Variants in NTAN1 observed in about 807,000 individuals in gnomAD.
The protein encoded by NTAN1 is protein N-terminal asparagine amidohydrolase.
A neutral mutation model predicts 41.9 loss-of-function variants in NTAN1; 32 were observed. The ratio of observed to expected loss-of-function variants is 0.76; its 90% CI spans 0.58 to 1.03. NTAN1 has a LOEUF of 1.03. Among genes scored for constraint, NTAN1 ranks in the 50% least tolerant of loss-of-function variants. The pLI is 0.00. For synonymous variants in NTAN1, 140 were observed against 139.5 expected (o/e 1.00, Z -0.03); for missense variants, 377 against 377.5 (o/e 1.00, Z 0.01).
chr16:15,055,899 G>C lies in NTAN1; in HGVS notation c.73C>G (p.Pro25Ala). The change falls in exon 1 of 10, where the codon CCT becomes GCT. Residue 25 changes from proline (P) to alanine (A), a missense_variant. Physicochemically the swap from Pro to Ala is conservative, Grantham distance 27 (BLOSUM62 -1). Coordinates refer to ENST00000287706, the MANE Select transcript of NTAN1 (RefSeq NM_173474.4). ...CGCCGCGCCCCACTCACCTCCAAAG[G>C]CGGGTGGGCTCGGACGAGGTCCCCG... ...SAGDLVRAHP[P>A]LEERARLLRG... The C allele has an allele frequency of 8.1e-7, 1 of 1,230,414 alleles. No homozygotes were observed. Among genetic ancestry groups the C allele is most frequent in the East Asian group, 3.2e-5 (1 of 31,592 alleles). 76.2% of individuals were successfully genotyped at this position (1,230,414 alleles called of 1,614,324 possible). A position where few individuals can be genotyped will look rare whatever the true frequency, so the allele number is the denominator to read the frequency against.
chr16:15,044,230 G>C, intron 5 of NTAN1, 104 bp downstream of exon 5: 3 of 731,482 alleles, frequency 4.1e-6, no homozygotes, highest in Non-Finnish European at 4.8e-6. Flanking sequence ...CTCCAAGTGG[G>C]TGTGCCCTTC....
chr16:15,054,881 GATGAAACCT>G (rs1567776441), intron 1 of NTAN1, among the ~76,000 whole-genome samples: 1 of 152,222 alleles, frequency 6.6e-6, no homozygotes, highest in Non-Finnish European at 1.5e-5. Flanking sequence ...AGCTGTGACA[GATGAAACCT>G]CTAAATGCCT....
chr16:15,055,374 G>A lies in NTAN1; in HGVS notation c.81+517C>T, dbSNP rs986154044. 1.5e-4 allele frequency among the ~76,000 whole-genome samples: 23 copies of A among 152,186 alleles called. 1 individual carries two copies. The highest frequency in any genetic ancestry group is 5.5e-4 in the African/African-American group (23 of 41,462). ...GGCTAAAAATAACTCGGCGCCCTACGCCCCGGGGGTAGGGGAGAGAGAGGA... is the reference window on the plus strand; with the variant it reads ...GGCTAAAAATAACTCGGCGCCCTACACCCCGGGGGTAGGGGAGAGAGAGGA... On this transcript the variant is annotated intron_variant, in intron 1 of 9. Coordinates refer to ENST00000287706, the MANE Select transcript of NTAN1 (RefSeq NM_173474.4).
At position 15,056,066 on chromosome 16, in the gene NTAN1, T is replaced by A. The variant is rs1439952669; in HGVS notation, c.-95A>T. 2.6e-6 allele frequency: 1 copy of A among 386,560 alleles called. No homozygotes were observed. Among genetic ancestry groups the A allele is most frequent in the Non-Finnish European group, 3.6e-6 (1 of 274,124 alleles). 23.9% of individuals were successfully genotyped at this position (386,560 alleles called of 1,614,324 possible). ...CCGCCCCCGCCCCTCGGGCCGCGCG[T>A]CCCGCCTCGTCCTGCCCCGCCCCAC... On this transcript the variant is annotated 5_prime_UTR_variant, in exon 1 of 10. Coordinates refer to ENST00000287706, the MANE Select transcript of NTAN1 (RefSeq NM_173474.4).
Position 15,055,967 on chromosome 16 carries a change from G to A in NTAN1, c.5C>T (p.Pro2Leu). Residue 2 changes from proline to leucine, a missense_variant, in exon 1 of 10, where the codon CCG (proline) becomes CTG (leucine). Physicochemically the swap from Pro to Leu is moderately conservative, Grantham distance 98. Coordinates refer to ENST00000287706, the MANE Select transcript of NTAN1 (RefSeq NM_173474.4). ...CACTCGCCGCCCCTCGACGAGCAGC[G>A]GCATCGCGGAGGCGGCCGCCCAGGC... is the stretch of plus-strand genomic sequence containing the variant. M[P>L]LLVEGRRVRL... The A allele has an allele frequency of 1.6e-6, 2 of 1,224,970 alleles. No individual in the cohort carries two copies. Among genetic ancestry groups the A allele is most frequent in the Non-Finnish European group, 1.0e-6 (1 of 983,246 alleles). The allele number at this position is 1,224,970 out of a possible 1,614,324, so 75.9% of individuals were successfully genotyped here.
chr16:15,040,901 G>A (rs2043786975), intron 7 of NTAN1, among the ~76,000 whole-genome samples, 167 bp downstream of exon 7: 1 of 152,172 alleles, frequency 6.6e-6, no homozygotes, highest in African/African-American at 2.4e-5. Context: ...AAAGCTTAGA[G>A]AAGTTAAGCT....
Position 15,049,086 on chromosome 16 carries a change from G to T in NTAN1, c.82-987C>A, listed in dbSNP as rs2044196946. The stretch of plus-strand genomic sequence containing the variant: ...GTTTTATACTTTTTGTAGCGACGGG[G>T]TCTCCCTATGCTCCCCAGGCTGGTC... On this transcript the variant is annotated intron_variant, in intron 1 of 9. Coordinates refer to ENST00000287706, the MANE Select transcript of NTAN1 (RefSeq NM_173474.4). 2.0e-5 allele frequency among the ~76,000 whole-genome samples: 3 copies of T among 147,294 alleles called. No homozygotes were observed. The South Asian group carries it at 6.5e-4, about 32-fold the overall frequency.
At chr16:15,051,705 T>A (rs2044297536) in intron 1 of NTAN1, among the ~76,000 whole-genome samples, 1 of 149,462 alleles carries the variant, frequency 6.7e-6, no homozygotes, top group African/African-American at 2.5e-5. Flanking sequence ...TTAATTTTTT[T>A]TTTTTTTTTT....
intron 4 of NTAN1, 25 bp downstream of exon 4, chr16:15,047,417 C>T: frequency 1.4e-6 from 2 of 1,415,168 alleles, no homozygotes; most frequent in South Asian, 1.1e-5. Flanking sequence ...TCTCAATTCA[C>T]CTATGAGAGC....
rs2044103828 is a variant in NTAN1, at chr16:15,047,111, G to A, written c.359+331C>T. ...GAGGAAGCATTTAACAAGCAACTGC[G>A]GGAGGAATGACTGCATGGAGAGCTA... On this transcript the variant is annotated intron_variant, in intron 4 of 9. Coordinates refer to ENST00000287706, the MANE Select transcript of NTAN1 (RefSeq NM_173474.4). The A allele has an allele frequency of 1.5e-5, 5 of 326,436 alleles. 1 individual carries two copies. Among genetic ancestry groups the A allele is most frequent in the South Asian group, 4.1e-5 (1 of 24,248 alleles). 20.2% of individuals were successfully genotyped at this position (326,436 alleles called of 1,614,324 possible). A position where few individuals can be genotyped will look rare whatever the true frequency, so the allele number is the denominator to read the frequency against.
intron 5 of NTAN1, 36 bp downstream of exon 5, chr16:15,044,298 T>A (rs751093929): frequency 4.2e-5 from 61 of 1,451,830 alleles, no homozygotes; most frequent in Non-Finnish European, 5.7e-5. Flanking sequence ...CATATTTATG[T>A]CCAATTTGGG....
chr16:15,038,002 A>C lies in NTAN1; in HGVS notation c.*29T>G, dbSNP rs548218225. The stretch of plus-strand genomic sequence containing the variant: ...CCCACCAATGGTCTGTCAGGCCAAG[A>C]AGGTGCTTTCTTTGGTAATTCATGT... On this transcript the variant is annotated 3_prime_UTR_variant, in exon 10 of 10. Transcript: ENST00000287706. The C allele has an allele frequency of 2.5e-6, 4 of 1,574,660 alleles. No homozygotes were observed. The African/African-American group carries it at 5.4e-5, about 21-fold the overall frequency.
intron 8 of NTAN1, among the ~76,000 whole-genome samples, 192 bp downstream of exon 8, chr16:15,039,777 G>A (rs2043725542): frequency 1.3e-5 from 2 of 152,202 alleles, no homozygotes; most frequent in Non-Finnish European, 2.9e-5. Context: ...TGGAGCTGAT[G>A]ACCTAAAGAT....
In NTAN1 at chr16:15,041,552, C is replaced by T; in HGVS notation, c.487+71G>A. 14 of 1,011,246 alleles carry T rather than the reference C, an allele frequency of 1.4e-5. No homozygotes were observed. The South Asian group carries it at 1.8e-4, about 13-fold the overall frequency. The allele number at this position is 1,011,246 out of a possible 1,614,324, so 62.6% of individuals were successfully genotyped here. A position where few individuals can be genotyped will look rare whatever the true frequency, so the allele number is the denominator to read the frequency against. ...CAGCAGTGTGTGCCGGTGCTTGGGC[C>T]CACTGCAAGACTGGGGACAAAACGG... is the stretch of plus-strand genomic sequence containing the variant. On this transcript the variant is annotated intron_variant, in intron 6 of 9. Transcript: ENST00000287706.
At chr16:15,040,741 C>T (rs1414653251) in intron 7 of NTAN1, among the ~76,000 whole-genome samples, 4 of 152,098 alleles carry the variant, frequency 2.6e-5, no homozygotes, top group African/African-American at 7.2e-5. Context: ...GAGAAAAGCA[C>T]GCCGGGCCTG....
At chr16:15,042,890 G>A (rs1275528662) in intron 5 of NTAN1, among the ~76,000 whole-genome samples, 1 of 147,398 alleles carries the variant, frequency 6.8e-6, no homozygotes, top group African/African-American at 2.5e-5. Context: ...GCGCCACCAT[G>A]CCCAGCTAAT....
intron 6 of NTAN1, 24 bp from the exon 7 acceptor site, chr16:15,041,145 TAC>T (rs1555580532): frequency 2.1e-6 from 3 of 1,402,858 alleles, no homozygotes; most frequent in Non-Finnish European, 3.0e-6. Context: ...ATGTTTAAGA[TAC>T]ACTTTTTAAA....
chr16:15,047,434 G>C lies in NTAN1; in HGVS notation c.359+8C>G. On this transcript the variant is annotated splice_region_variant and intron_variant, in intron 4 of 9. Coordinates refer to ENST00000287706, the MANE Select transcript of NTAN1 (RefSeq NM_173474.4). The stretch of plus-strand genomic sequence containing the variant: ...TCAATTCACCTATGAGAGCAGCGTA[G>C]ATCTCACCTTCCACATTGAGCGTGG... The C allele has an allele frequency of 6.5e-7, 1 of 1,547,752 alleles. No individual in the cohort carries two copies. Among genetic ancestry groups the C allele is most frequent in the Non-Finnish European group, 8.9e-7 (1 of 1,119,354 alleles).
At chr16:15,043,963 AAG>A (rs143015654) in intron 5 of NTAN1, among the ~76,000 whole-genome samples, 13 of 152,300 alleles carry the variant, frequency 8.5e-5, no homozygotes, top group Middle Eastern at 3.4e-3. Context: ...AAGAAAAAAA[AAG>A]AAAAAATTTG....
Sources: gnomAD v4.1 joint callset for allele counts (sites outside exome capture counted in the v4.1 genomes callset) on GRCh38, gnomAD v4.1.1 for gene constraint, MANE v1.5 for transcripts, NCBI Gene and HGNC (gene_info 2026-07-23, HGNC 2026-07-21) for gene names.